Variants in SHTN1 observed in about 807,000 individuals in gnomAD.
SHTN1 encodes the protein shootin-1.
In SHTN1, 42 loss-of-function variants were observed where a neutral mutation model predicts 83.1. The ratio of observed to expected loss-of-function variants is 0.51; its 90% CI spans 0.39 to 0.65. The LOEUF (loss-of-function observed/expected upper bound fraction) is 0.65, where lower values mean the gene tolerates loss of function less well. SHTN1 is among the 30% of genes least tolerant of loss of function. SHTN1 has a pLI of 0.00. For synonymous variants in SHTN1, 224 were observed against 247.7 expected (o/e 0.90, Z 0.90); for missense variants, 622 against 737.8 (o/e 0.84, Z 1.82).
intron 5 of SHTN1, among the ~76,000 whole-genome samples, chr10:116,953,623 G>GTT (rs759706275): frequency 0.46 from 42,121 of 92,492 alleles, 11,145 homozygotes; most frequent in Non-Finnish European, 0.59. Flanking sequence ...TTTGTGTTTT[G>GTT]TTTTTTTTTT....
chr10:116,899,969 A>G (rs1419993978), intron 16 of SHTN1, among the ~76,000 whole-genome samples: 1 of 152,232 alleles, frequency 6.6e-6, no homozygotes. Context: ...ACATTAAGTT[A>G]AAATTCTTTT....
At chr10:117,069,268 C>G (rs1215801775) in intron 1 of SHTN1, among the ~76,000 whole-genome samples, 1 of 152,150 alleles carries the variant, frequency 6.6e-6, no homozygotes, top group Non-Finnish European at 1.5e-5. Flanking sequence ...CAGAAGGTTG[C>G]ATCGATCTTT....
At chr10:117,056,711 T>C (rs1382558617) in intron 1 of SHTN1, among the ~76,000 whole-genome samples, 1 of 152,120 alleles carries the variant, frequency 6.6e-6, no homozygotes, top group South Asian at 2.1e-4. Context: ...CTCATGAGGC[T>C]GAGGCAGGAG....
At chr10:117,098,171 G>A (rs1219459938) in intron 1 of SHTN1, among the ~76,000 whole-genome samples, 1 of 148,754 alleles carries the variant, frequency 6.7e-6, no homozygotes, top group South Asian at 2.1e-4. Flanking sequence ...GGCGGATCAC[G>A]AGGTCAAGAG....
intron 1 of SHTN1, among the ~76,000 whole-genome samples, chr10:117,097,030 G>GACACACACACAC (rs5788209): frequency 1.5e-3 from 219 of 149,046 alleles, no homozygotes; most frequent in Middle Eastern, 6.9e-3. Context: ...CACACACATA[G>GACACACACACAC]ACACACACAC....
intron 7 of SHTN1, among the ~76,000 whole-genome samples, chr10:116,946,430 GTAAA>G (rs1458837917): frequency 7.0e-6 from 1 of 143,172 alleles, no homozygotes; most frequent in Non-Finnish European, 1.5e-5. Flanking sequence ...AATATTAAAT[GTAAA>G]TAAATGTATA....
At chr10:116,997,889 G>A (rs765122148) in intron 1 of SHTN1, among the ~76,000 whole-genome samples, 39 of 152,138 alleles carry the variant, frequency 2.6e-4, no homozygotes, top group Non-Finnish European at 4.3e-4. Context: ...TCAGGAGACC[G>A]AAACCATCCT....
At chr10:117,071,576 C>T (rs962119599) in intron 1 of SHTN1, among the ~76,000 whole-genome samples, 1 of 152,214 alleles carries the variant, frequency 6.6e-6, no homozygotes, top group Admixed American at 6.5e-5. Context: ...AGTCCTTCCA[C>T]ATTTGTTGAT....
chr10:116,890,818 G>A (rs930386971), intron 16 of SHTN1, among the ~76,000 whole-genome samples: 8 of 152,324 alleles, frequency 5.3e-5, no homozygotes, highest in African/African-American at 1.9e-4. Flanking sequence ...CAGAACAATG[G>A]CAATGGCCAT....
chr10:116,894,821 A>T (rs1847458091), intron 16 of SHTN1, among the ~76,000 whole-genome samples: 1 of 152,228 alleles, frequency 6.6e-6, no homozygotes, highest in Non-Finnish European at 1.5e-5. Context: ...AAGCAGCGCC[A>T]CTTTCAGATA....
At chr10:116,983,755 C>CAT (rs1040536249) in intron 1 of SHTN1, among the ~76,000 whole-genome samples, 6 of 151,836 alleles carry the variant, frequency 4.0e-5, no homozygotes, top group African/African-American at 9.7e-5. Context: ...TACACACACA[C>CAT]ATATATATAT....
chr10:117,103,351 A>G (rs1382129670), intron 1 of SHTN1, among the ~76,000 whole-genome samples: 3 of 151,888 alleles, frequency 2.0e-5, no homozygotes, highest in Non-Finnish European at 4.4e-5. Context: ...TCAGCTTCCC[A>G]AAGTTCTGGG....
At chr10:117,042,079 GAGAA>G (rs992328846) in intron 2 of SHTN1, among the ~76,000 whole-genome samples, 2 of 152,140 alleles carry the variant, frequency 1.3e-5, no homozygotes, top group African/African-American at 4.8e-5. Flanking sequence ...AGCAGGTAAG[GAGAA>G]AGAAAGGGAA....
At chr10:116,886,789 A>C (rs1847178345) in intron 16 of SHTN1, among the ~76,000 whole-genome samples, 1 of 152,238 alleles carries the variant, frequency 6.6e-6, no homozygotes, top group East Asian at 1.9e-4. Context: ...AGGCAGAGAA[A>C]GAGCGATTAA....
intron 2 of SHTN1, among the ~76,000 whole-genome samples, chr10:117,018,765 T>G (rs369891555): frequency 1.3e-4 from 20 of 151,308 alleles, no homozygotes; most frequent in Non-Finnish European, 1.9e-4. Context: ...TAGAGAGGGG[T>G]TTTCACCATG....
At chr10:116,946,516 TATAA>T (rs1414291356) in intron 7 of SHTN1, among the ~76,000 whole-genome samples, 1 of 140,386 alleles carries the variant, frequency 7.1e-6, no homozygotes, top group Admixed American at 7.5e-5. Flanking sequence ...ATGATTTATA[TATAA>T]ATATATAAAA....
At chr10:117,007,197 C>A (rs1852032817), upstream of SHTN1, among the ~76,000 whole-genome samples, 1 of 151,804 alleles carries the variant, frequency 6.6e-6, no homozygotes, top group Non-Finnish European at 1.5e-5. Context: ...AAATAATGGA[C>A]ATTTAGCTTT....
chr10:117,044,834 T>A (rs1307396485), intron 2 of SHTN1, among the ~76,000 whole-genome samples: 2 of 152,166 alleles, frequency 1.3e-5, no homozygotes, highest in Admixed American at 1.3e-4. Context: ...TTATAACATT[T>A]TCAATGAAAG....
At chr10:116,952,978 A>G (rs1371552875) in intron 5 of SHTN1, among the ~76,000 whole-genome samples, 1 of 152,226 alleles carries the variant, frequency 6.6e-6, no homozygotes, top group Non-Finnish European at 1.5e-5. Flanking sequence ...TAATGAGCAA[A>G]GGGAACTCCT....
Sources: allele counts gnomAD v4.1 joint callset (sites outside exome capture counted in the v4.1 genomes callset), GRCh38; gene constraint gnomAD v4.1.1; transcripts MANE v1.5; gene names NCBI Gene and HGNC (gene_info 2026-07-23, HGNC 2026-07-21).